Variants in SCAF11 observed in about 807,000 individuals in gnomAD.
The protein encoded by SCAF11 is SR-related CTD associated factor 11, also known as protein SCAF11.
SCAF11 carries 47 observed loss-of-function variants against 140.5 expected under a neutral mutation model. The observed-to-expected ratio is 0.33, with a 90% CI of 0.26 to 0.43. The LOEUF is 0.43. Ranked by LOEUF, SCAF11 falls within the 20% of genes least tolerant of loss-of-function variation. The probability of loss-of-function intolerance (pLI) is 1.00; values close to 1 mark genes in which losing one functional copy is unlikely to be tolerated. For synonymous variants in SCAF11, 557 were observed against 579.4 expected, an observed-to-expected ratio of 0.96 and a Z score of 0.55; for missense variants, 1,645 against 1,705.1, an observed-to-expected ratio of 0.96 and a Z score of 0.62.
intron 1 of SCAF11, among the ~76,000 whole-genome samples, chr12:45,981,329 A>G (rs1395528618): frequency 6.6e-6 from 1 of 152,210 alleles, no homozygotes; most frequent in African/African-American, 2.4e-5. Flanking sequence ...TCATCCCTAA[A>G]ACAAACTATT....
intron 1 of SCAF11, among the ~76,000 whole-genome samples, chr12:45,987,610 T>TAG (rs1352312121): frequency 6.6e-6 from 1 of 152,174 alleles, no homozygotes; most frequent in African/African-American, 2.4e-5. Context: ...AAGGCTGTTG[T>TAG]TTTATACACA....
At position 45,922,851 on chromosome 12, in the gene SCAF11, TCAC is replaced by T. The variant is rs542874937; in HGVS notation, c.4125+82_4125+84del. On this transcript the variant is annotated intron_variant, in intron 13 of 14. Transcript: ENST00000369367. ...TTAGACAGCCAATAAGAAATTCCCT[TCAC>T]CACTCATACAATAAAAAGCTGATAT... 432 of 1,253,778 alleles carry T rather than the reference TCAC, an allele frequency of 3.4e-4. 1 individual carries two copies. The African/African-American group carries it at 5.7e-3, about 17-fold the overall frequency. The allele number at this position is 1,253,778 out of a possible 1,614,324, so 77.7% of individuals were successfully genotyped here.
Position 45,934,517 on chromosome 12 carries a change from C to T in SCAF11, c.464-12G>A. On this transcript the variant is annotated splice_polypyrimidine_tract_variant and intron_variant, in intron 6 of 14. Transcript: ENST00000369367. ...GTATAAAGAGTTTCCTGTACAAAGACATAAAAGGACTTGGTTACCTTGTAT... is the reference window on the plus strand; with the variant it reads ...GTATAAAGAGTTTCCTGTACAAAGATATAAAAGGACTTGGTTACCTTGTAT... 6 of 1,541,166 alleles carry T rather than the reference C, an allele frequency of 3.9e-6. No homozygotes were observed. Among genetic ancestry groups the T allele is most frequent in the Non-Finnish European group, 4.4e-6 (5 of 1,148,828 alleles).
chr12:45,934,529 T>TG, intron 6 of SCAF11, 24 bp from the exon 7 acceptor site: 1 of 1,493,378 alleles, frequency 6.7e-7, no homozygotes, highest in Non-Finnish European at 9.0e-7. Flanking sequence ...TAAAAGGACT[T>TG]GGTTACCTTG....
intron 1 of SCAF11, among the ~76,000 whole-genome samples, chr12:45,980,703 G>A (rs1946330820): frequency 6.6e-6 from 1 of 152,136 alleles, no homozygotes; most frequent in Non-Finnish European, 1.5e-5. Context: ...ACATTTATCT[G>A]AGTCCAGTGG....
intron 1 of SCAF11, among the ~76,000 whole-genome samples, chr12:45,972,961 T>TATAGATATATAG (rs1565689234): frequency 7.3e-5 from 6 of 82,290 alleles, no homozygotes; most frequent in Admixed American, 1.4e-4. Flanking sequence ...GATATATAGA[T>TATAGATATATAG]ATATATATAG....
chr12:45,985,897 A>G (rs1379294425), intron 1 of SCAF11, among the ~76,000 whole-genome samples: 1 of 152,046 alleles, frequency 6.6e-6, no homozygotes, highest in African/African-American at 2.4e-5. Context: ...TACCTTATTA[A>G]GCTCTTATCA....
At chr12:45,940,819 T>C (rs548043943) in intron 6 of SCAF11, among the ~76,000 whole-genome samples, 1 of 152,318 alleles carries the variant, frequency 6.6e-6, no homozygotes, top group East Asian at 1.9e-4. Context: ...ATTTATTCTT[T>C]TGAGAAAGGG....
At chr12:45,986,725 T>C (rs1194012175) in intron 1 of SCAF11, among the ~76,000 whole-genome samples, 1 of 152,204 alleles carries the variant, frequency 6.6e-6, no homozygotes, top group Non-Finnish European at 1.5e-5. Flanking sequence ...ATTTGAATCA[T>C]GGGGGCAGTT....
intron 1 of SCAF11, among the ~76,000 whole-genome samples, chr12:45,987,466 T>A (rs1380990541): frequency 6.6e-6 from 1 of 152,174 alleles, no homozygotes; most frequent in African/African-American, 2.4e-5. Context: ...TACTGACAAA[T>A]GCTGATCTCA....
At chr12:45,954,365 T>A (rs1362845067) in intron 3 of SCAF11, among the ~76,000 whole-genome samples, 1 of 151,938 alleles carries the variant, frequency 6.6e-6, no homozygotes, top group African/African-American at 2.4e-5. Flanking sequence ...GCCTCCTGAG[T>A]AGCTGGGACT....
At chr12:45,988,317 C>G (rs1324160637) in intron 1 of SCAF11, among the ~76,000 whole-genome samples, 5 of 152,182 alleles carry the variant, frequency 3.3e-5, no homozygotes, top group Admixed American at 6.5e-5. Flanking sequence ...GGTGCTACAA[C>G]TATCTCTGAT....
chr12:45,970,919 T>C (rs2136636825), intron 1 of SCAF11, among the ~76,000 whole-genome samples: 2 of 152,322 alleles, frequency 1.3e-5, no homozygotes, highest in South Asian at 4.1e-4. Flanking sequence ...TCCATAATGA[T>C]GCATGTCACC....
At chr12:45,983,054 A>T (rs1167127423) in intron 1 of SCAF11, among the ~76,000 whole-genome samples, 1 of 152,234 alleles carries the variant, frequency 6.6e-6, no homozygotes, top group Non-Finnish European at 1.5e-5. Flanking sequence ...TGAGGCAAGT[A>T]AAGAAAAATA....
chr12:45,954,374 C>T (rs142847427), intron 3 of SCAF11, among the ~76,000 whole-genome samples: 1,805 of 151,900 alleles, frequency 0.012, 22 homozygotes, highest in Non-Finnish European at 0.019. Context: ...GTAGCTGGGA[C>T]TACAGGTGCA....
At chr12:45,924,639 G>T in intron 12 of SCAF11, 89 bp downstream of exon 12, 2 of 1,009,092 alleles carry the variant, frequency 2.0e-6, no homozygotes, top group Non-Finnish European at 2.9e-6. Flanking sequence ...GTTTTTGAAT[G>T]CCAGGATGCC....
At chr12:45,965,209 C>T (rs1945917383) in intron 1 of SCAF11, among the ~76,000 whole-genome samples, 1 of 152,008 alleles carries the variant, frequency 6.6e-6, no homozygotes, top group Non-Finnish European at 1.5e-5. Context: ...ATAGATACGC[C>T]AGCCAAGTAT....
intron 6 of SCAF11, 122 bp from the exon 7 acceptor site, chr12:45,934,627 A>G (rs1945129143): frequency 1.8e-6 from 1 of 543,614 alleles, no homozygotes; most frequent in Admixed American, 3.8e-5. Context: ...TGTATTTCAA[A>G]TAATACACAA....
At chr12:45,939,705 T>G (rs1031731277) in intron 6 of SCAF11, among the ~76,000 whole-genome samples, 4 of 152,128 alleles carry the variant, frequency 2.6e-5, no homozygotes, top group African/African-American at 9.7e-5. Context: ...AGACCGAAAC[T>G]CCATCTCAAA....
Sources: allele counts gnomAD v4.1 joint callset (sites outside exome capture counted in the v4.1 genomes callset), GRCh38; gene constraint gnomAD v4.1.1; transcripts MANE v1.5; gene names NCBI Gene and HGNC (gene_info 2026-07-23, HGNC 2026-07-21).